The following TYW1 variants were observed in gnomAD, a reference collection of about 807,000 sequenced individuals.
TYW1 encodes tRNA-yW synthesizing protein 1 homolog.
TYW1 carries 46 observed loss-of-function variants against 96.2 expected under a neutral mutation model. The observed-to-expected ratio is 0.48, with a 90% CI of 0.38 to 0.61. The LOEUF is 0.61. TYW1 is among the 20% of genes least tolerant of loss of function. The pLI is 0.00. For missense variants in TYW1, 684 were observed against 909.6 expected, an observed-to-expected ratio of 0.75 and a Z score of 3.19; for synonymous variants, 274 against 323.0, an observed-to-expected ratio of 0.85 and a Z score of 1.63.
At chr7:67,036,612 G>A (rs1327667039) in intron 7 of TYW1, among the ~76,000 whole-genome samples, 2 of 152,228 alleles carry the variant, frequency 1.3e-5, no homozygotes, top group African/African-American at 4.8e-5. Flanking sequence ...AGAGGTGACC[G>A]CACTTGCTGG....
intron 3 of TYW1, among the ~76,000 whole-genome samples, chr7:67,000,487 C>T (rs1281471570): frequency 2.0e-5 from 3 of 151,870 alleles, no homozygotes; most frequent in South Asian, 2.1e-4. Context: ...TTAGTAGAGA[C>T]GAGGTTTCAC....
At chr7:66,998,277 A>G in intron 2 of TYW1, 82 bp downstream of exon 2, 2 of 1,507,662 alleles carry the variant, frequency 1.3e-6, no homozygotes, top group Non-Finnish European at 1.8e-6. Context: ...GGAACCTTTA[A>G]TTACTTTTGT....
intron 13 of TYW1, among the ~76,000 whole-genome samples, chr7:67,165,599 A>AT (rs1400968375): frequency 2.0e-5 from 3 of 152,050 alleles, no homozygotes; most frequent in African/African-American, 7.3e-5. Flanking sequence ...ACATAATATC[A>AT]TTTTATCCGT....
chr7:67,186,661 C>T (rs1373906190), intron 14 of TYW1, among the ~76,000 whole-genome samples: 1 of 151,978 alleles, frequency 6.6e-6, no homozygotes, highest in African/African-American at 2.4e-5. Context: ...TAATTTAAAA[C>T]ATTTTTGTAT....
At chr7:67,102,041 A>G (rs1176703834) in intron 12 of TYW1, among the ~76,000 whole-genome samples, 1 of 152,008 alleles carries the variant, frequency 6.6e-6, no homozygotes, top group Non-Finnish European at 1.5e-5. Context: ...CATGTGGGGG[A>G]CATTGGGATA....
At chr7:67,145,425 AG>A (rs1199025290) in intron 13 of TYW1, among the ~76,000 whole-genome samples, 2 of 152,164 alleles carry the variant, frequency 1.3e-5, no homozygotes, top group Non-Finnish European at 2.9e-5. Context: ...CTGGGATTAC[AG>A]GCGTGAGCCA....
intron 6 of TYW1, among the ~76,000 whole-genome samples, chr7:67,023,829 C>T (rs1206338425): frequency 6.6e-6 from 1 of 152,130 alleles, no homozygotes; most frequent in Non-Finnish European, 1.5e-5. Flanking sequence ...TTTATTCTGC[C>T]TTATCCTCAA....
At position 67,014,099 on chromosome 7, in the gene TYW1, TGAG is replaced by T. The variant is rs368778067; in HGVS notation, c.376-267_376-265del. ...TTCCACTGTGGCAAATTAGCGATGA[TGAG>T]AATGTATAGTCTGGATAACGGAATG... On this transcript the variant is annotated intron_variant, in intron 4 of 15. Coordinates refer to ENST00000359626, the MANE Select transcript of TYW1 (RefSeq NM_018264.4). Among the ~76,000 whole-genome samples, 293 of 152,210 alleles carry T rather than the reference TGAG, an allele frequency of 1.9e-3. 3 individuals are homozygous for T. Among genetic ancestry groups the T allele is most frequent in the African/African-American group, 6.5e-3 (269 of 41,536 alleles).
chr7:67,224,724 G>A (rs1801502613), intron 15 of TYW1, among the ~76,000 whole-genome samples: 1 of 152,104 alleles, frequency 6.6e-6, no homozygotes, highest in African/African-American at 2.4e-5. Context: ...AAAATGTCTG[G>A]TGTCATTCCT....
At chr7:67,236,949 T>G (rs10248812) in intron 15 of TYW1, among the ~76,000 whole-genome samples, 3 of 151,988 alleles carry the variant, frequency 2.0e-5, no homozygotes, top group Non-Finnish European at 2.9e-5. Context: ...GCAGTGGCAC[T>G]GTCTCAGCTC....
intron 9 of TYW1, among the ~76,000 whole-genome samples, chr7:67,064,941 C>G (rs1795813922): frequency 6.6e-6 from 1 of 152,206 alleles, no homozygotes; most frequent in Non-Finnish European, 1.5e-5. Flanking sequence ...AAAATTAATT[C>G]AAAATGGATC....
At chr7:67,152,747 G>T (rs1313246594) in intron 13 of TYW1, among the ~76,000 whole-genome samples, 2 of 152,084 alleles carry the variant, frequency 1.3e-5, no homozygotes, top group African/African-American at 4.8e-5. Flanking sequence ...GACTACAGGT[G>T]TGGGCCACCA....
chr7:67,039,602 G>T (rs1794950008), intron 7 of TYW1, among the ~76,000 whole-genome samples: 1 of 152,032 alleles, frequency 6.6e-6, no homozygotes, highest in Admixed American at 6.6e-5. Context: ...TGTTGTATAT[G>T]AAAGTGCTTT....
chr7:67,012,462 A>G (rs533485867), intron 4 of TYW1, among the ~76,000 whole-genome samples: 1 of 152,292 alleles, frequency 6.6e-6, no homozygotes, highest in East Asian at 1.9e-4. Flanking sequence ...TTTGTCCCCC[A>G]AGAAAATGTA....
intron 9 of TYW1, among the ~76,000 whole-genome samples, chr7:67,061,880 TAAGTA>T (rs1037006954): frequency 3.4e-4 from 52 of 152,292 alleles, no homozygotes; most frequent in African/African-American, 1.1e-3. Context: ...CAAAATATTT[TAAGTA>T]AAGAACCAAA....
intron 13 of TYW1, among the ~76,000 whole-genome samples, chr7:67,139,817 T>C: frequency 6.6e-6 from 1 of 151,612 alleles, no homozygotes; most frequent in Non-Finnish European, 1.5e-5. Context: ...GATCACCATA[T>C]TTAAAAAAGA....
At chr7:67,150,966 G>T (rs1034097818) in intron 13 of TYW1, among the ~76,000 whole-genome samples, 6 of 151,440 alleles carry the variant, frequency 4.0e-5, no homozygotes, top group African/African-American at 1.5e-4. Flanking sequence ...TGCACCCACG[G>T]TAACTTTACA....
At chr7:67,202,457 C>T (rs1345475325) in intron 15 of TYW1, among the ~76,000 whole-genome samples, 3 of 152,224 alleles carry the variant, frequency 2.0e-5, no homozygotes, top group African/African-American at 4.8e-5. Context: ...AGTGCAGTGG[C>T]GTGAACATGG....
intron 15 of TYW1, among the ~76,000 whole-genome samples, chr7:67,205,553 G>A (rs1459829485): frequency 6.6e-6 from 1 of 151,678 alleles, no homozygotes; most frequent in Non-Finnish European, 1.5e-5. Flanking sequence ...CTGGAGGGGA[G>A]GAGGAGGGCA....
Sources: gnomAD v4.1 joint callset for allele counts (sites outside exome capture counted in the v4.1 genomes callset) on GRCh38, gnomAD v4.1.1 for gene constraint, MANE v1.5 for transcripts, NCBI Gene and HGNC (gene_info 2026-07-23, HGNC 2026-07-21) for gene names.